The following NFIC variants were observed in gnomAD, a reference collection of about 807,000 sequenced individuals.
NFIC encodes nuclear factor I C, also known as nuclear factor 1 C-type.
NFIC carries 12 observed loss-of-function variants against 54.4 expected under a neutral mutation model. The ratio of observed to expected loss-of-function variants is 0.22; its 90% CI spans 0.14 to 0.36. NFIC has a LOEUF of 0.36. Among genes scored for constraint, NFIC ranks in the 10% least tolerant of loss-of-function variants. The pLI, the probability that NFIC is intolerant of heterozygous loss-of-function variation, is 1.00. For missense variants in NFIC, 575 were observed against 718.2 expected, an observed-to-expected ratio of 0.80 and a Z score of 2.28; for synonymous variants, 322 against 319.2, an observed-to-expected ratio of 1.01 and a Z score of -0.09.
At chr19:3,436,515 A>C (rs1354758774) in intron 6 of NFIC, among the ~76,000 whole-genome samples, 1 of 138,674 alleles carries the variant, frequency 7.2e-6, no homozygotes, top group Non-Finnish European at 1.6e-5. Context: ...TTGCTCTGTC[A>C]CCCAGGCTGG....
At chr19:3,413,288 C>T (rs943012022) in intron 2 of NFIC, among the ~76,000 whole-genome samples, 1 of 152,094 alleles carries the variant, frequency 6.6e-6, no homozygotes. Flanking sequence ...GGGATTCAAA[C>T]ACCAGGAATC....
At chr19:3,430,283 C>T (rs1253422234) in intron 3 of NFIC, among the ~76,000 whole-genome samples, 3 of 150,550 alleles carry the variant, frequency 2.0e-5, no homozygotes, top group Non-Finnish European at 2.9e-5. Context: ...AGTGCAGTGG[C>T]GCAATCTCGG....
At chr19:3,387,048 A>C (rs1052671505) in intron 2 of NFIC, among the ~76,000 whole-genome samples, 4 of 152,240 alleles carry the variant, frequency 2.6e-5, no homozygotes, top group Middle Eastern at 3.4e-3. Flanking sequence ...TCTGGCTTTC[A>C]TCAGCCCTGC....
At position 3,468,813 on chromosome 19, in the gene NFIC, C is replaced by T. The variant is rs2082750865; in HGVS notation, c.*6044C>T. 6.6e-6 allele frequency: 1 copy of T among 152,042 alleles called. No individual in the cohort carries two copies. 9.4% of individuals were successfully genotyped at this position (152,042 alleles called of 1,614,324 possible). A position where few individuals can be genotyped will look rare whatever the true frequency, so the allele number is the denominator to read the frequency against. Reference sequence around the variant, plus strand: ...CACTGGATAACACACACATACACACCCACAAAAATGCTCATGAACCCAATC... The same window carrying T: ...CACTGGATAACACACACATACACACTCACAAAAATGCTCATGAACCCAATC... On this transcript the variant is annotated 3_prime_UTR_variant, in exon 11 of 11. Coordinates refer to ENST00000443272, the MANE Select transcript of NFIC (RefSeq NM_001245002.2).
chr19:3,402,193 G>A (rs1328771061), intron 2 of NFIC, among the ~76,000 whole-genome samples: 4 of 152,162 alleles, frequency 2.6e-5, no homozygotes, highest in African/African-American at 7.2e-5. Context: ...CTACAGGCAT[G>A]TGCCACTATA....
intron 2 of NFIC, among the ~76,000 whole-genome samples, chr19:3,394,685 C>G (rs1312871564): frequency 6.6e-6 from 1 of 151,768 alleles, no homozygotes; most frequent in Non-Finnish European, 1.5e-5. Context: ...GGTTCCGTGC[C>G]TGGGAGGAAC....
chr19:3,382,296 G>T, intron 2 of NFIC, 53 bp downstream of exon 2: 1 of 1,568,114 alleles, frequency 6.4e-7, no homozygotes, highest in South Asian at 1.2e-5. Flanking sequence ...GTCTGATGGT[G>T]GTGACACGGG....
intron 2 of NFIC, among the ~76,000 whole-genome samples, chr19:3,399,420 A>G (rs1042891694): frequency 6.6e-6 from 1 of 151,602 alleles, no homozygotes; most frequent in South Asian, 2.1e-4. Flanking sequence ...TCTACAAAAA[A>G]TAAAACTTAG....
exon 1 of NFIC, chr19:3,359,658 G>T: frequency 7.2e-7 from 1 of 1,393,804 alleles, no homozygotes; most frequent in Non-Finnish European, 9.4e-7. Flanking sequence ...CTCCGGCGCC[G>T]GCCTCGCCTC....
At chr19:3,389,466 G>A (rs556550532) in intron 2 of NFIC, among the ~76,000 whole-genome samples, 1 of 152,182 alleles carries the variant, frequency 6.6e-6, no homozygotes, top group Non-Finnish European at 1.5e-5. Context: ...CCGGTTGTGG[G>A]TGCTGCACTG....
chr19:3,385,200 C>T (rs1289107397), intron 2 of NFIC, among the ~76,000 whole-genome samples: 1 of 144,214 alleles, frequency 6.9e-6, no homozygotes, highest in Non-Finnish European at 1.5e-5. Flanking sequence ...CAGCAGGGCA[C>T]ACCCCCCCCC....
In NFIC at chr19:3,369,378, CTCTCTCTCTG is replaced by C. The variant is rs1052773190; in HGVS notation, c.30+2728_30+2737del. Among the ~76,000 whole-genome samples, 10 of 152,220 alleles carry C rather than the reference CTCTCTCTCTG, an allele frequency of 6.6e-5. No homozygotes were observed. The highest frequency in any genetic ancestry group is 1.9e-4 in the East Asian group (1 of 5,184). On this transcript the variant is annotated intron_variant, in intron 1 of 10. Coordinates refer to ENST00000443272, the MANE Select transcript of NFIC (RefSeq NM_001245002.2). This position sits in a 1 kb window ranked among gnomAD's most constrained non-coding sequence, Gnocchi z 4.3. ...TATCTCTGCATGTGTCTCCTTACTC[CTCTCTCTCTG>C]TCTCTCTCTGTCTCTGGGCCTCCCT...
At chr19:3,436,861 C>A (rs2082211295) in intron 6 of NFIC, among the ~76,000 whole-genome samples, 1 of 152,130 alleles carries the variant, frequency 6.6e-6, no homozygotes, top group Non-Finnish European at 1.5e-5. Context: ...GATCCCAGCC[C>A]TGCCCGTGTC....
chr19:3,414,718 A>C (rs772169424), intron 2 of NFIC, among the ~76,000 whole-genome samples: 1 of 152,190 alleles, frequency 6.6e-6, no homozygotes, highest in Non-Finnish European at 1.5e-5. Flanking sequence ...ATCTAATGTC[A>C]GAACCCACGA....
intron 10 of NFIC, among the ~76,000 whole-genome samples, chr19:3,460,471 C>T (rs1158686808): frequency 3.9e-5 from 6 of 152,082 alleles, no homozygotes; most frequent in Admixed American, 2.6e-4. Flanking sequence ...ACGGGGATAC[C>T]GGGGACATCA....
intron 4 of NFIC, 87 bp downstream of exon 4, chr19:3,433,679 C>G (rs2082156232): frequency 7.1e-7 from 1 of 1,413,632 alleles, no homozygotes; most frequent in Admixed American, 1.9e-5. Flanking sequence ...CACCCTACTC[C>G]TTGTCCTTTC....
intron 2 of NFIC, chr19:3,411,100 T>C (rs4807465): frequency 0.97 from 147,125 of 152,082 alleles, 71,175 homozygotes; most frequent in African/African-American, 0.98. Flanking sequence ...ACTGCAGCCT[T>C]GACCTCCTGG....
intron 10 of NFIC, among the ~76,000 whole-genome samples, chr19:3,457,305 C>T (rs868224617): frequency 6.6e-6 from 1 of 152,204 alleles, no homozygotes; most frequent in South Asian, 2.1e-4. Flanking sequence ...GGTCCCACCA[C>T]CCCTAGAAGG....
intron 9 of NFIC, 41 bp from the exon 10 acceptor site, chr19:3,456,509 A>G: frequency 6.5e-7 from 1 of 1,545,178 alleles, no homozygotes; most frequent in Non-Finnish European, 8.8e-7. Context: ...GGCTCCCACA[A>G]CCCCTCGCTA....
Sources: gnomAD v4.1 joint callset for allele counts (sites outside exome capture counted in the v4.1 genomes callset) on GRCh38, gnomAD v4.1.1 for gene constraint, Gnocchi (gnomAD v3.1) non-coding constraint, MANE v1.5 for transcripts, NCBI Gene and HGNC (gene_info 2026-07-23, HGNC 2026-07-21) for gene names.